Variants in KCNN3 observed in about 807,000 individuals in gnomAD.
KCNN3 encodes the protein potassium calcium-activated channel subfamily N member 3.
A neutral mutation model predicts 62.9 loss-of-function variants in KCNN3; 16 were observed. The observed-to-expected ratio is 0.25, with a 90% confidence interval of 0.17 to 0.39. The LOEUF is 0.39. KCNN3 is among the 10% of genes least tolerant of loss of function. The probability of loss-of-function intolerance (pLI) is 1.00; values close to 1 mark genes in which losing one functional copy is unlikely to be tolerated. For missense variants in KCNN3, 599 were observed against 949.4 expected (o/e 0.63, Z 4.85); for synonymous variants, 370 against 389.2 (o/e 0.95, Z 0.58).
intron 6 of KCNN3, among the ~76,000 whole-genome samples, chr1:154,714,104 GTGTGTGATGTGGTGTGTGTGGGT>G (rs1700141138): frequency 7.3e-6 from 1 of 137,414 alleles, no homozygotes; most frequent in Admixed American, 7.5e-5. Context: ...TGTGTATGGT[GTGTGTGATGTGGTGTGTGTGGGT>G]TGTGTGTGTG....
intron 4 of KCNN3, among the ~76,000 whole-genome samples, chr1:154,728,065 T>C (rs528405526): frequency 1.3e-5 from 2 of 152,344 alleles, no homozygotes; most frequent in South Asian, 4.1e-4. Flanking sequence ...AGCTTCCCTG[T>C]TCCATGCTAT....
Position 154,869,033 on chromosome 1 carries a change from T to C in KCNN3, c.932A>G (p.Lys311Arg). ...ATAAAGAGAAACCACAGCCCCTACC[T>C]TTGAGTACAAACCCCAAGAGAGCTC... is the stretch of plus-strand genomic sequence containing the variant. ...ETELSWGLYS[K>R]DSMFSLALKC... Residue 311 changes from lysine to arginine, a missense_variant and splice_region_variant, in exon 1 of 8, where the codon AAG (lysine) becomes AGG (arginine). Physicochemically the swap from Lys to Arg is conservative, Grantham distance 26. Around this residue, in one of 7 missense-constraint regions of KCNN3, gnomAD observed 288 missense variants for 557.4 expected, o/e 0.52. Coordinates refer to ENST00000271915, the MANE Select transcript of KCNN3 (RefSeq NM_002249.6). The surrounding 1 kb of genome is among the most constrained non-coding windows in gnomAD (Gnocchi z 6.1). 6.2e-7 allele frequency: 1 copy of C among 1,613,914 alleles called. No homozygotes were observed. Among genetic ancestry groups the C allele is most frequent in the Non-Finnish European group, 8.5e-7 (1 of 1,179,908 alleles).
At chr1:154,755,537 G>GAA (rs1192451518) in intron 3 of KCNN3, among the ~76,000 whole-genome samples, 2 of 107,044 alleles carry the variant, frequency 1.9e-5, no homozygotes, top group African/African-American at 6.4e-5. Flanking sequence ...GAAGAAGAAA[G>GAA]GAAAGGAAGG....
intron 2 of KCNN3, among the ~76,000 whole-genome samples, chr1:154,785,315 A>G (rs1216988126): frequency 6.6e-6 from 1 of 152,120 alleles, no homozygotes; most frequent in African/African-American, 2.4e-5. Context: ...AAAAATAAAT[A>G]GGTTTTTGGA....
intron 7 of KCNN3, 43 bp from the exon 8 acceptor site, chr1:154,708,315 C>A (rs908612308): frequency 1.3e-6 from 2 of 1,596,338 alleles, no homozygotes; most frequent in South Asian, 2.2e-5. Context: ...GATGACAGGT[C>A]ATCACAGAGG....
chr1:154,742,304 G>A (rs1700837564), intron 3 of KCNN3, among the ~76,000 whole-genome samples: 1 of 152,176 alleles, frequency 6.6e-6, no homozygotes, highest in African/African-American at 2.4e-5. Flanking sequence ...TCCACCTACT[G>A]CCCACACACT....
At chr1:154,714,136 T>TGG (rs1700144372) in intron 6 of KCNN3, among the ~76,000 whole-genome samples, 1 of 134,284 alleles carries the variant, frequency 7.4e-6, no homozygotes, top group African/African-American at 2.9e-5. Flanking sequence ...GTTGTGTGTG[T>TGG]GGTGTTTGTG....
intron 1 of KCNN3, among the ~76,000 whole-genome samples, chr1:154,866,955 C>T (rs1652980896): frequency 6.6e-6 from 1 of 152,202 alleles, no homozygotes; most frequent in Non-Finnish European, 1.5e-5. Flanking sequence ...TCTCCCGTCG[C>T]GTTAAGACAA....
At chr1:154,749,621 G>T (rs1194387658) in intron 3 of KCNN3, among the ~76,000 whole-genome samples, 2 of 152,224 alleles carry the variant, frequency 1.3e-5, no homozygotes, top group African/African-American at 4.8e-5. Flanking sequence ...ACGTCAGGGC[G>T]AGTGGGAAGA....
At chr1:154,758,641 G>A (rs1445185001) in intron 3 of KCNN3, among the ~76,000 whole-genome samples, 1 of 152,154 alleles carries the variant, frequency 6.6e-6, no homozygotes, top group Non-Finnish European at 1.5e-5. Flanking sequence ...GCAGTGGGGG[G>A]CAAGCAGGCA....
At chr1:154,814,618 A>G (rs1042118160) in intron 2 of KCNN3, among the ~76,000 whole-genome samples, 1 of 152,244 alleles carries the variant, frequency 6.6e-6, no homozygotes, top group Non-Finnish European at 1.5e-5. Context: ...AAGGCCTCAT[A>G]GATGTGAAAA....
At chr1:154,803,410 C>A (rs1650037953) in intron 2 of KCNN3, among the ~76,000 whole-genome samples, 1 of 152,312 alleles carries the variant, frequency 6.6e-6, no homozygotes, top group Non-Finnish European at 1.5e-5. Context: ...AGCAGTGACA[C>A]CTGTCATTTG....
Position 154,869,791 on chromosome 1 carries a change from C to G in KCNN3, c.174G>C (p.Ser58=). The G allele has an allele frequency of 6.7e-7, 1 of 1,497,412 alleles. No homozygotes were observed. The highest frequency in any genetic ancestry group is 9.0e-7 in the Non-Finnish European group (1 of 1,115,330). The allele number at this position is 1,497,412 out of a possible 1,614,324, so 92.8% of individuals were successfully genotyped here. A position where few individuals can be genotyped will look rare whatever the true frequency, so the allele number is the denominator to read the frequency against. The stretch of plus-strand genomic sequence containing the variant: ...GAAGCTGCGGAGGCTGAGGCTGCAG[C>G]GAGGGTCCCAGGGGCTGCTGGGGGG... ...PAAPQQPLGP[S]LQPQPPQLQQ... The change falls in exon 1 of 8, where the codon TCG becomes TCC. Residue 58 remains serine (S), a synonymous_variant. Coordinates refer to ENST00000271915, the MANE Select transcript of KCNN3 (RefSeq NM_002249.6). This position sits in a 1 kb window ranked among gnomAD's most constrained non-coding sequence, Gnocchi z 6.1.
At chr1:154,770,667 A>G (rs1238109507) in intron 3 of KCNN3, among the ~76,000 whole-genome samples, 1 of 152,222 alleles carries the variant, frequency 6.6e-6, no homozygotes, top group Non-Finnish European at 1.5e-5. Flanking sequence ...TGTAGCCCAG[A>G]GAGGTTAAGT....
rs545864668 is a variant in KCNN3, at chr1:154,827,375, A to G, written c.934-5191T>C. 2.0e-4 allele frequency among the ~76,000 whole-genome samples: 30 copies of G among 152,290 alleles called. No homozygotes were observed. In the South Asian group the frequency reaches 5.0e-3, roughly 25 times the overall value. The stretch of plus-strand genomic sequence containing the variant: ...AGACCTGAGGCTTCTTTCCCTCCAC[A>G]TCAGCACCAAGCCCTGGCCTTCCTC... On this transcript the variant is annotated intron_variant, in intron 1 of 7. Coordinates refer to ENST00000271915, the MANE Select transcript of KCNN3 (RefSeq NM_002249.6).
In KCNN3 at chr1:154,822,095, T is replaced by C; in HGVS notation, c.1023A>G (p.Glu341=). The change falls in exon 2 of 8, where the codon GAA becomes GAG. Residue 341 remains glutamate, a synonymous_variant. Transcript: ENST00000271915. ...GTGAGGTGGGGGCACCTACCTGGAC[T>C]TCACGTGTGTGGTAGGCGATGATCA... ...LGLIIAYHTR[E]VQLFVIDNGA... is the part of the protein sequence containing the mutation. 6.2e-7 allele frequency: 1 copy of C among 1,612,972 alleles called. No individual in the cohort carries two copies.
At chr1:154,748,833 G>C (rs992853577) in intron 3 of KCNN3, among the ~76,000 whole-genome samples, 1 of 152,180 alleles carries the variant, frequency 6.6e-6, no homozygotes, top group South Asian at 2.1e-4. Context: ...ATGGTGGTAC[G>C]TGTCTATAGT....
intron 6 of KCNN3, among the ~76,000 whole-genome samples, chr1:154,714,304 G>A (rs1391963636): frequency 2.7e-5 from 4 of 146,502 alleles, no homozygotes; most frequent in East Asian, 2.1e-4. Context: ...TATGGTGTGT[G>A]TGTGGTTTGT....
At chr1:154,718,077 C>T (rs181500309) in intron 5 of KCNN3, among the ~76,000 whole-genome samples, 1 of 152,292 alleles carries the variant, frequency 6.6e-6, no homozygotes, top group East Asian at 1.9e-4. Flanking sequence ...AAAAGATGCT[C>T]TCAGGGTGCA....
Sources: gnomAD v4.1 joint callset for allele counts (sites outside exome capture counted in the v4.1 genomes callset) on GRCh38, gnomAD v4.1.1 for gene constraint, gnomAD v4.1.1 regional missense constraint, Gnocchi (gnomAD v3.1) non-coding constraint, MANE v1.5 for transcripts, NCBI Gene and HGNC (gene_info 2026-07-23, HGNC 2026-07-21) for gene names.